The following ATAD2B variants were observed in gnomAD, a reference collection of about 807,000 sequenced individuals.
The protein encoded by ATAD2B is ATPase family AAA domain containing 2B.
ATAD2B carries 40 observed loss-of-function variants against 167.6 expected under a neutral mutation model. The ratio of observed to expected loss-of-function variants is 0.24; its 90% CI spans 0.19 to 0.31. The LOEUF (loss-of-function observed/expected upper bound fraction) is 0.31. Ranked by LOEUF, ATAD2B falls within the 10% of genes least tolerant of loss-of-function variation. ATAD2B has a pLI of 1.00. For missense variants in ATAD2B, 1,242 were observed against 1,757.2 expected (o/e 0.71, Z 5.24); for synonymous variants, 579 against 596.5 (o/e 0.97, Z 0.43).
intron 8 of ATAD2B, among the ~76,000 whole-genome samples, chr2:23,873,435 C>T (rs1015878113): frequency 2.6e-5 from 4 of 152,172 alleles, no homozygotes; most frequent in African/African-American, 9.7e-5. Context: ...ATGCTTAAGT[C>T]CCTTACATAA....
chr2:23,752,141 C>T lies in ATAD2B; in HGVS notation c.4336-54G>A, dbSNP rs1675418540. The stretch of plus-strand genomic sequence containing the variant: ...CTATTAAGGGAAAGACAAAAGTGTT[C>T]CTCATTACGGAAGAATTCACTTTAA... On this transcript the variant is annotated intron_variant, in intron 27 of 27. Transcript: ENST00000238789. 18 of 1,273,032 alleles carry T rather than the reference C, an allele frequency of 1.4e-5. No individual in the cohort carries two copies. The South Asian group carries it at 2.3e-4, about 17-fold the overall frequency. 78.9% of individuals were successfully genotyped at this position (1,273,032 alleles called of 1,614,324 possible).
chr2:23,771,711 G>C (rs1572687415), intron 22 of ATAD2B, among the ~76,000 whole-genome samples: 1 of 151,738 alleles, frequency 6.6e-6, no homozygotes, highest in African/African-American at 2.4e-5. Flanking sequence ...TTATCTCCTT[G>C]TTGGTTTATT....
chr2:23,835,236 T>C (rs922769116), intron 13 of ATAD2B, among the ~76,000 whole-genome samples: 1 of 152,234 alleles, frequency 6.6e-6, no homozygotes, highest in African/African-American at 2.4e-5. Context: ...GCAACACTTT[T>C]CATAATAGCC....
intron 17 of ATAD2B, among the ~76,000 whole-genome samples, chr2:23,813,985 G>T (rs1043641141): frequency 2.0e-5 from 3 of 152,102 alleles, no homozygotes; most frequent in African/African-American, 7.2e-5. Context: ...GGGCACGGTC[G>T]AACATGCCTG....
At chr2:23,789,425 C>A (rs544080143) in intron 19 of ATAD2B, among the ~76,000 whole-genome samples, 1 of 152,272 alleles carries the variant, frequency 6.6e-6, no homozygotes, top group East Asian at 1.9e-4. Context: ...AGAACAGAGA[C>A]CACTTCTTAT....
At chr2:23,772,514 T>C (rs1678483371) in intron 22 of ATAD2B, among the ~76,000 whole-genome samples, 1 of 152,138 alleles carries the variant, frequency 6.6e-6, no homozygotes, top group Non-Finnish European at 1.5e-5. Context: ...TAAGATTAAA[T>C]CTAAAGGTAT....
chr2:23,828,841 A>G lies in ATAD2B; in HGVS notation c.1819+8T>C, dbSNP rs1221050894. 1 of 1,591,164 alleles carries G rather than the reference A, an allele frequency of 6.3e-7. No homozygotes were observed. The highest frequency in any genetic ancestry group is 8.6e-7 in the Non-Finnish European group (1 of 1,161,962). On this transcript the variant is annotated splice_region_variant and intron_variant, in intron 15 of 27. Coordinates refer to ENST00000238789, the MANE Select transcript of ATAD2B (RefSeq NM_017552.4). Reference sequence around the variant, plus strand: ...TGACAATCAAAAAATTCAAACAGTAACACTCACCAACACATTTTTCAGCCA... The same window carrying G: ...TGACAATCAAAAAATTCAAACAGTAGCACTCACCAACACATTTTTCAGCCA...
In ATAD2B at chr2:23,754,727, T is replaced by C. The variant is rs1170883590; in HGVS notation, c.4126A>G (p.Lys1376Glu). Reference sequence around the variant, plus strand: ...GGAACCAGTTCCAGGCTTGTCGTTTTTGCCTGCTCTAAAATTAATTTACGG... The same window carrying C: ...GGAACCAGTTCCAGGCTTGTCGTTTCTGCCTGCTCTAAAATTAATTTACGG... ...KYRKLILEQA[K>E]TTSLELVPEE... Residue 1376 changes from lysine to glutamate, a missense_variant, in exon 26 of 28, where the codon AAA becomes GAA. Lys to Glu is a moderately conservative substitution (Grantham distance 56). This residue lies in a region of ATAD2B where 282 missense variants were observed against 346.8 expected (regional missense o/e 0.81). Transcript: ENST00000238789. 6.2e-7 allele frequency: 1 copy of C among 1,612,970 alleles called. No individual in the cohort carries two copies. Among genetic ancestry groups the C allele is most frequent in the Non-Finnish European group, 8.5e-7 (1 of 1,179,244 alleles).
intron 3 of ATAD2B, 105 bp from the exon 4 acceptor site, chr2:23,888,090 A>G (rs1698956884): frequency 5.1e-6 from 5 of 982,236 alleles, no homozygotes; most frequent in Non-Finnish European, 4.2e-6. Flanking sequence ...AAAATTTAAT[A>G]TAACTTTTTA....
At chr2:23,710,494 G>A in the ATAD2B span, among the ~76,000 whole-genome samples, 1 of 152,170 alleles carries the variant, frequency 6.6e-6, no homozygotes, top group South Asian at 2.1e-4. Flanking sequence ...CCAAAACAAC[G>A]CTTTTAGAGA....
At chr2:23,879,397 C>A (rs1697514587) in intron 7 of ATAD2B, among the ~76,000 whole-genome samples, 1 of 151,862 alleles carries the variant, frequency 6.6e-6, no homozygotes, top group Non-Finnish European at 1.5e-5. Flanking sequence ...CCCTTCAGGC[C>A]AGGAGTTCAA....
downstream of ATAD2B, among the ~76,000 whole-genome samples, chr2:23,745,393 G>GAAGGAAGA (rs1558476053): frequency 2.7e-5 from 3 of 112,842 alleles, no homozygotes; most frequent in African/African-American, 1.1e-4. Flanking sequence ...AGGAAGGAAG[G>GAAGGAAGA]AAGGAAGGAA....
chr2:23,741,930 G>A, the ATAD2B span, among the ~76,000 whole-genome samples: 2 of 152,180 alleles, frequency 1.3e-5, no homozygotes, highest in African/African-American at 4.8e-5. Context: ...AGACATTTAT[G>A]CAGCCAAAAA....
At chr2:23,687,661 CAG>C in the ATAD2B span, among the ~76,000 whole-genome samples, 2 of 152,168 alleles carry the variant, frequency 1.3e-5, no homozygotes, top group Non-Finnish European at 2.9e-5. Flanking sequence ...GAGGGTCATT[CAG>C]AGAGGCTCCT....
At chr2:23,879,971 T>A (rs893173810) in intron 7 of ATAD2B, among the ~76,000 whole-genome samples, 1 of 151,404 alleles carries the variant, frequency 6.6e-6, no homozygotes, top group Non-Finnish European at 1.5e-5. Flanking sequence ...GGCAGGAGAA[T>A]TGCTTGAACC....
intron 13 of ATAD2B, among the ~76,000 whole-genome samples, chr2:23,853,507 G>C (rs1407191240): frequency 6.6e-6 from 1 of 152,146 alleles, no homozygotes; most frequent in Admixed American, 6.5e-5. Context: ...TTAAACAAAA[G>C]ATGCCTAAGA....
intron 14 of ATAD2B, among the ~76,000 whole-genome samples, chr2:23,830,964 G>C (rs1262634835): frequency 6.6e-6 from 1 of 151,868 alleles, no homozygotes. Flanking sequence ...TCTAAGGTTA[G>C]CAAGTTATCT....
At chr2:23,917,604 T>C (rs1386000540) in intron 1 of ATAD2B, among the ~76,000 whole-genome samples, 4 of 148,670 alleles carry the variant, frequency 2.7e-5, no homozygotes, top group Admixed American at 6.7e-5. Flanking sequence ...TTACCGGGAT[T>C]TTTTTTTTTT....
chr2:23,911,263 A>G (rs1702261831), intron 1 of ATAD2B, among the ~76,000 whole-genome samples: 1 of 150,838 alleles, frequency 6.6e-6, no homozygotes, highest in Non-Finnish European at 1.5e-5. Flanking sequence ...AGAAAAAATG[A>G]GAGTTAATTG....
Sources: allele counts gnomAD v4.1 joint callset (sites outside exome capture counted in the v4.1 genomes callset), GRCh38; gene constraint gnomAD v4.1.1; regional missense constraint gnomAD v4.1.1; transcripts MANE v1.5; gene names NCBI Gene and HGNC (gene_info 2026-07-23, HGNC 2026-07-21).